The following PCDH15 variants were observed in gnomAD, a reference collection of about 807,000 sequenced individuals.
PCDH15 encodes the protein protocadherin-15.
Under a neutral mutation model 178.5 loss-of-function variants are expected in PCDH15, and 129 were observed. The observed-to-expected ratio is 0.72, with a 90% CI of 0.63 to 0.84. The LOEUF is 0.84. Among genes scored for constraint, PCDH15 ranks in the 40% least tolerant of loss-of-function variants. PCDH15 has a pLI of 0.00. For synonymous variants in PCDH15, 800 were observed against 732.0 expected (o/e 1.09, Z -1.50); for missense variants, 2,230 against 2,099.9 (o/e 1.06, Z -1.21).
chr10:54,708,562 T>C (rs1484415459), intron 1 of PCDH15, among the ~76,000 whole-genome samples: 2 of 152,200 alleles, frequency 1.3e-5, no homozygotes, highest in Admixed American at 6.5e-5. Context: ...ACAGCAGCCA[T>C]GTGAATTTTG....
intron 2 of PCDH15, among the ~76,000 whole-genome samples, chr10:55,535,592 G>C (rs1841559225): frequency 6.6e-6 from 1 of 151,918 alleles, no homozygotes; most frequent in Admixed American, 6.6e-5. Flanking sequence ...ATTTCTTCTG[G>C]AAAGAAATAT....
chr10:54,309,549 T>G (rs1337826186), intron 8 of PCDH15, among the ~76,000 whole-genome samples: 2 of 152,058 alleles, frequency 1.3e-5, no homozygotes, highest in African/African-American at 4.8e-5. Context: ...ATCCCAGAAC[T>G]TTGGGAGGCC....
At chr10:54,189,721 AT>A (rs1184449734) in intron 11 of PCDH15, among the ~76,000 whole-genome samples, 1 of 152,010 alleles carries the variant, frequency 6.6e-6, no homozygotes, top group Non-Finnish European at 1.5e-5. Context: ...ATTCTTTGTC[AT>A]TTTTTATGAT....
intron 21 of PCDH15, among the ~76,000 whole-genome samples, chr10:53,970,140 G>C (rs1322174140): frequency 6.6e-6 from 1 of 151,978 alleles, no homozygotes; most frequent in Non-Finnish European, 1.5e-5. Context: ...ATACACATAG[G>C]CTCAAAATAA....
At chr10:54,419,433 G>A (rs1428175328) in intron 3 of PCDH15, among the ~76,000 whole-genome samples, 1 of 151,954 alleles carries the variant, frequency 6.6e-6, no homozygotes, top group Non-Finnish European at 1.5e-5. Flanking sequence ...CTGCTTTCAA[G>A]CCCTTATATG....
chr10:55,593,589 A>T (rs1842884480), intron 2 of PCDH15, among the ~76,000 whole-genome samples: 1 of 151,914 alleles, frequency 6.6e-6, no homozygotes, highest in South Asian at 2.1e-4. Context: ...TCTGGAAATA[A>T]GAGGTACTGA....
At chr10:54,888,789 CTT>C (rs59914980) in intron 3 of PCDH15, among the ~76,000 whole-genome samples, 3 of 110,140 alleles carry the variant, frequency 2.7e-5, no homozygotes, top group Non-Finnish European at 5.8e-5. Flanking sequence ...TTCATTTTTT[CTT>C]TTTTTTTTTT....
intron 21 of PCDH15, among the ~76,000 whole-genome samples, chr10:53,992,140 G>A (rs983115314): frequency 2.6e-5 from 4 of 151,990 alleles, no homozygotes; most frequent in East Asian, 1.9e-4. Context: ...AACTCTGGAC[G>A]GGAGGAAGGA....
chr10:55,392,825 T>C (rs1426578936), intron 2 of PCDH15, among the ~76,000 whole-genome samples: 4 of 152,070 alleles, frequency 2.6e-5, no homozygotes, highest in Non-Finnish European at 5.9e-5. Flanking sequence ...TAACAGAAAC[T>C]GAAACAAAAA....
chr10:54,912,497 C>T (rs563234507), intron 2 of PCDH15, among the ~76,000 whole-genome samples: 3 of 152,234 alleles, frequency 2.0e-5, no homozygotes, highest in East Asian at 3.9e-4. Flanking sequence ...TTGCCTTCCA[C>T]CATGATTGTA....
chr10:53,928,616 A>G (rs892094128), intron 25 of PCDH15, among the ~76,000 whole-genome samples: 2 of 152,036 alleles, frequency 1.3e-5, no homozygotes, highest in African/African-American at 2.4e-5. Flanking sequence ...CTGTAACATA[A>G]GTGACTTAAT....
chr10:54,310,042 G>C (rs2060806049), intron 8 of PCDH15, among the ~76,000 whole-genome samples: 1 of 152,060 alleles, frequency 6.6e-6, no homozygotes, highest in Non-Finnish European at 1.5e-5. Context: ...ACAAATATGT[G>C]CTTAACATAT....
chr10:54,789,281 T>TAA (rs1951176256), intron 1 of PCDH15, among the ~76,000 whole-genome samples: 1 of 151,936 alleles, frequency 6.6e-6, no homozygotes, highest in Non-Finnish European at 1.5e-5. Context: ...TTTTGTCCCT[T>TAA]GTTAAATTTT....
chr10:54,840,841 T>C (rs759756429), intron 3 of PCDH15, among the ~76,000 whole-genome samples: 1 of 151,772 alleles, frequency 6.6e-6, no homozygotes, highest in Non-Finnish European at 1.5e-5. Flanking sequence ...AGAAAATCAA[T>C]ATATAACAAC....
chr10:54,596,682 T>G (rs1277426722), intron 2 of PCDH15, among the ~76,000 whole-genome samples: 1 of 152,064 alleles, frequency 6.6e-6, no homozygotes, highest in East Asian at 1.9e-4. Flanking sequence ...AAAACACAAT[T>G]GTATGCTGTC....
intron 3 of PCDH15, among the ~76,000 whole-genome samples, chr10:54,831,980 A>C (rs977974773): frequency 6.6e-6 from 1 of 152,114 alleles, no homozygotes; most frequent in Non-Finnish European, 1.5e-5. Flanking sequence ...CTAAATGATA[A>C]ATATTTGTAT....
intron 2 of PCDH15, among the ~76,000 whole-genome samples, chr10:55,156,268 A>G (rs751401982): frequency 6.6e-6 from 1 of 152,116 alleles, no homozygotes; most frequent in Non-Finnish European, 1.5e-5. Flanking sequence ...AAGAAAACAT[A>G]CGATTTTAGG....
chr10:55,252,865 A>G (rs1458341119), intron 1 of PCDH15, among the ~76,000 whole-genome samples: 2 of 152,122 alleles, frequency 1.3e-5, no homozygotes, highest in Non-Finnish European at 2.9e-5. Context: ...AGAAACCTGT[A>G]AAATATATTT....
intron 3 of PCDH15, among the ~76,000 whole-genome samples, chr10:54,841,559 A>C (rs530966967): frequency 1.3e-5 from 2 of 151,862 alleles, no homozygotes; most frequent in East Asian, 3.9e-4. Flanking sequence ...AAATTAGAGC[A>C]ACAAATAATA....
Sources: allele counts gnomAD v4.1 joint callset (sites outside exome capture counted in the v4.1 genomes callset), GRCh38; gene constraint gnomAD v4.1.1; transcripts MANE v1.5; gene names NCBI Gene and HGNC (gene_info 2026-07-23, HGNC 2026-07-21).